ZFYVE28: variants seen among roughly 807,000 people sequenced by gnomAD.
The protein encoded by ZFYVE28 is lateral signaling target protein 2 homolog.
A neutral mutation model predicts 82.1 loss-of-function variants in ZFYVE28; 40 were observed. The ratio of observed to expected loss-of-function variants is 0.49; its 90% CI spans 0.38 to 0.63. The LOEUF is 0.63. ZFYVE28 is among the 30% of genes least tolerant of loss of function. The probability of loss-of-function intolerance (pLI) is 0.00; values close to 1 mark genes in which losing one functional copy is unlikely to be tolerated. For missense variants in ZFYVE28, 1,321 were observed against 1,242.1 expected (o/e 1.06, Z -0.96); for synonymous variants, 612 against 546.1 (o/e 1.12, Z -1.68).
intron 10 of ZFYVE28, 46 bp from the exon 11 acceptor site, chr4:2,271,825 A>G (rs1735939449): frequency 6.4e-7 from 1 of 1,572,728 alleles, no homozygotes; most frequent in African/African-American, 1.3e-5. Context: ...GGAGGCGGGC[A>G]ATTGATGCAG....
In ZFYVE28 at chr4:2,372,380, G is replaced by A. The variant is rs1427996096; in HGVS notation, c.40-18307C>T. ...TCCATCGCCGCCTCCTGCCACCACC[G>A]CTCCCGCCATCCTCCTTCTAGTCCT... On this transcript the variant is annotated intron_variant, in intron 1 of 12. Transcript: ENST00000290974. This position sits in a 1 kb window ranked among gnomAD's most constrained non-coding sequence, Gnocchi z 5.2. 2.6e-5 allele frequency among the ~76,000 whole-genome samples: 4 copies of A among 151,958 alleles called. No individual in the cohort carries two copies. Among genetic ancestry groups the A allele is most frequent in the African/African-American group, 9.7e-5 (4 of 41,344 alleles).
rs1293916269 is a variant in ZFYVE28 at position 2,341,261 on chromosome 4, G to A, written c.318+217C>T. ...ACCACATGGGAAATTTCATTTGTAT[G>A]TATAGTTTTGGGGGCACCAGTTCAT... On this transcript the variant is annotated intron_variant, in intron 3 of 12. Transcript: ENST00000290974. This position sits in a 1 kb window ranked among gnomAD's most constrained non-coding sequence, Gnocchi z 4.5. The A allele has an allele frequency of 6.4e-6, 4 of 624,238 alleles. No individual in the cohort carries two copies. Among genetic ancestry groups the A allele is most frequent in the Admixed American group, 3.0e-5 (1 of 33,368 alleles). The allele number at this position is 624,238 out of a possible 1,614,324, so 38.7% of individuals were successfully genotyped here. A position where few individuals can be genotyped will look rare whatever the true frequency, so the allele number is the denominator to read the frequency against.
intron 1 of ZFYVE28, among the ~76,000 whole-genome samples, chr4:2,369,153 G>C (rs1727221821): frequency 6.6e-6 from 1 of 152,186 alleles, no homozygotes; most frequent in Non-Finnish European, 1.5e-5. Context: ...GTGCTTAGAG[G>C]GGCATCCCTG....
rs2213323 is a variant in ZFYVE28, at chr4:2,417,618, A to G, written c.39+667T>C. Reference sequence around the variant, plus strand: ...ACGTGGGTGGGGAAGGGACAAGGATAGGGACAAGGGAGGGGACGCGAACTG... The same window carrying G: ...ACGTGGGTGGGGAAGGGACAAGGATGGGGACAAGGGAGGGGACGCGAACTG... On this transcript the variant is annotated intron_variant, in intron 1 of 12. Transcript: ENST00000290974. The surrounding 1 kb of genome is among the most constrained non-coding windows in gnomAD (Gnocchi z 4.8). 0.74 allele frequency among the ~76,000 whole-genome samples: 112,831 copies of G among 151,982 alleles called. 42,868 individuals are homozygous for G. The highest frequency in any genetic ancestry group is 0.99 in the East Asian group (5,117 of 5,148).
intron 1 of ZFYVE28, among the ~76,000 whole-genome samples, chr4:2,412,043 C>G (rs1182583896): frequency 1.9e-4 from 29 of 152,224 alleles, no homozygotes; most frequent in Non-Finnish European, 1.5e-5. Flanking sequence ...GCAGCATCTC[C>G]CCCCTGGGGC....
intron 9 of ZFYVE28, among the ~76,000 whole-genome samples, chr4:2,273,782 T>A (rs1736135646): frequency 6.6e-6 from 1 of 152,140 alleles, no homozygotes; most frequent in South Asian, 2.1e-4. Flanking sequence ...CCAGAGGTGA[T>A]GCCTAGCGCC....
Position 2,418,244 on chromosome 4 carries a change from C to G in ZFYVE28, c.39+41G>C. 1 of 1,527,750 alleles carries G rather than the reference C, an allele frequency of 6.5e-7. No individual in the cohort carries two copies. 94.6% of individuals were successfully genotyped at this position (1,527,750 alleles called of 1,614,324 possible). On this transcript the variant is annotated intron_variant, in intron 1 of 12. Transcript: ENST00000290974. The surrounding 1 kb of genome is among the most constrained non-coding windows in gnomAD (Gnocchi z 4.6). The stretch of plus-strand genomic sequence containing the variant: ...CGGGCGGTCCTGGGGAAGGGAGAGG[C>G]CGCGACGCGGGGGGCGTCCGGCCCG...
chr4:2,368,262 TG>T (rs1727130989), intron 1 of ZFYVE28, among the ~76,000 whole-genome samples: 1 of 143,328 alleles, frequency 7.0e-6, no homozygotes, highest in African/African-American at 2.6e-5. Context: ...ATTAGCCAGG[TG>T]TGGTGGTCTG....
At chr4:2,302,080 C>T (rs772278704) in intron 8 of ZFYVE28, among the ~76,000 whole-genome samples, 9 of 152,176 alleles carry the variant, frequency 5.9e-5, no homozygotes, top group Non-Finnish European at 1.2e-4. Flanking sequence ...GGCAGAAGGC[C>T]AGGAGAGCGA....
intron 8 of ZFYVE28, chr4:2,295,745 G>A (rs953356828): frequency 6.6e-6 from 1 of 152,430 alleles, no homozygotes; most frequent in African/African-American, 2.4e-5. Context: ...GCGCCTGCAG[G>A]AGGCCTCCCC....
At chr4:2,301,532 C>T (rs1715522071) in intron 8 of ZFYVE28, among the ~76,000 whole-genome samples, 1 of 152,098 alleles carries the variant, frequency 6.6e-6, no homozygotes, top group Admixed American at 6.6e-5. Flanking sequence ...CTGTGCTGAG[C>T]TGCATAAGGC....
At chr4:2,383,895 T>C (rs1728978079) in intron 1 of ZFYVE28, among the ~76,000 whole-genome samples, 1 of 152,206 alleles carries the variant, frequency 6.6e-6, no homozygotes, top group Non-Finnish European at 1.5e-5. Flanking sequence ...CCAGGAGCCA[T>C]TCTTTCACAA....
intron 6 of ZFYVE28, among the ~76,000 whole-genome samples, chr4:2,333,327 C>T (rs1721030107): frequency 6.8e-6 from 1 of 147,878 alleles, no homozygotes; most frequent in Non-Finnish European, 1.5e-5. Flanking sequence ...CCCCAGCCCC[C>T]GCCTCCCCTT....
At chr4:2,321,764 G>A (rs1030603282) in intron 6 of ZFYVE28, among the ~76,000 whole-genome samples, 10 of 152,058 alleles carry the variant, frequency 6.6e-5, no homozygotes, top group African/African-American at 1.7e-4. Context: ...CTCCCCTGCT[G>A]AGCATAGGAC....
At chr4:2,351,509 T>G (rs772259588) in intron 2 of ZFYVE28, among the ~76,000 whole-genome samples, 8 of 152,096 alleles carry the variant, frequency 5.3e-5, no homozygotes, top group Non-Finnish European at 1.0e-4. Flanking sequence ...AGTTCAGGAG[T>G]TTGAGACCAG....
chr4:2,273,845 C>T (rs762850), intron 9 of ZFYVE28, among the ~76,000 whole-genome samples: 14,183 of 152,074 alleles, frequency 0.093, 1,231 homozygotes, highest in African/African-American at 0.21. Context: ...TGGAGGAAAA[C>T]GCCTCCCACC....
rs1421166734 is a variant in ZFYVE28 at position 2,305,201 on chromosome 4, C to G, written c.1139G>C (p.Gly380Ala). 1 of 1,604,044 alleles carries G rather than the reference C, an allele frequency of 6.2e-7. No individual in the cohort carries two copies. The highest frequency in any genetic ancestry group is 1.1e-5 in the South Asian group (1 of 90,470). Residue 380 changes from glycine (G) to alanine (A), a missense_variant, in exon 8 of 13, where the codon GGC becomes GCC. Gly to Ala is a moderately conservative substitution (Grantham distance 60). This residue lies in a region of ZFYVE28 where 978 missense variants were observed against 833.7 expected (regional missense o/e 1.17). Transcript: ENST00000290974. Reference protein sequence around the residue: ...AHRPGAEGSPGGEASPGRPRL... With the variant: ...AHRPGAEGSPAGEASPGRPRL... Reference sequence around the variant, plus strand: ...CGGTCTACCTGGAGAGGCCTCCCCGCCTGGGCTGCCCTCCGCTCCTGGCCT... The same window carrying G: ...CGGTCTACCTGGAGAGGCCTCCCCGGCTGGGCTGCCCTCCGCTCCTGGCCT...
chr4:2,282,761 T>C (rs1386162212), intron 8 of ZFYVE28, among the ~76,000 whole-genome samples: 1 of 152,158 alleles, frequency 6.6e-6, no homozygotes, highest in Admixed American at 6.5e-5. Context: ...TGACATCAGA[T>C]ACATTAATTT....
In ZFYVE28 at chr4:2,387,502, C is replaced by T. The variant is rs1729402589; in HGVS notation, c.39+30783G>A. ...GTCAGGGATGTGCCGCCCCACTTGG[C>T]GAGCAGCTGCGGACACGGGATATGG... is the stretch of plus-strand genomic sequence containing the variant. On this transcript the variant is annotated intron_variant, in intron 1 of 12. Coordinates refer to ENST00000290974, the MANE Select transcript of ZFYVE28 (RefSeq NM_020972.3). Among the ~76,000 whole-genome samples, 3 of 152,202 alleles carry T rather than the reference C, an allele frequency of 2.0e-5. No homozygotes were observed. In the South Asian group the frequency reaches 6.2e-4, roughly 31 times the overall value.
Sources: allele counts gnomAD v4.1 joint callset (sites outside exome capture counted in the v4.1 genomes callset), GRCh38; gene constraint gnomAD v4.1.1; regional missense constraint gnomAD v4.1.1; non-coding constraint Gnocchi (gnomAD v3.1); transcripts MANE v1.5; gene names NCBI Gene and HGNC (gene_info 2026-07-23, HGNC 2026-07-21).